KCNH5: variants seen among roughly 807,000 people sequenced by gnomAD.
KCNH5 encodes the protein potassium voltage-gated channel subfamily H member 5, also known as voltage-gated delayed rectifier potassium channel KCNH5.
Under a neutral mutation model 96.1 loss-of-function variants are expected in KCNH5, and 46 were observed. The ratio of observed to expected loss-of-function variants is 0.48; its 90% CI spans 0.38 to 0.61. The LOEUF (loss-of-function observed/expected upper bound fraction) is 0.61. Among genes scored for constraint, KCNH5 ranks in the 20% least tolerant of loss-of-function variants. The pLI is 0.00. For missense variants in KCNH5, 907 were observed against 1,225.8 expected (o/e 0.74, Z 3.88); for synonymous variants, 439 against 449.8 (o/e 0.98, Z 0.30).
chr14:63,002,921 G>A (rs957381703), intron 3 of KCNH5, among the ~76,000 whole-genome samples: 1 of 152,024 alleles, frequency 6.6e-6, no homozygotes, highest in Non-Finnish European at 1.5e-5. Flanking sequence ...TTTACACAGC[G>A]TGACCAGGAA....
At chr14:62,851,452 T>C (rs1887802520) in intron 7 of KCNH5, among the ~76,000 whole-genome samples, 1 of 150,734 alleles carries the variant, frequency 6.6e-6, no homozygotes, top group Non-Finnish European at 1.5e-5. Context: ...AGATCTTGAT[T>C]CTATAAAGAA....
At chr14:63,018,207 C>T (rs1219174156) in intron 1 of KCNH5, among the ~76,000 whole-genome samples, 1 of 151,806 alleles carries the variant, frequency 6.6e-6, no homozygotes, top group East Asian at 1.9e-4. Flanking sequence ...ATTTAACTGT[C>T]TATTCCGCTG....
intron 6 of KCNH5, among the ~76,000 whole-genome samples, chr14:62,963,117 T>C (rs1173477220): frequency 6.6e-6 from 1 of 152,068 alleles, no homozygotes; most frequent in Non-Finnish European, 1.5e-5. Context: ...AAAGGGTGAG[T>C]ATAGTAACAA....
chr14:62,921,819 T>C (rs1889386058), intron 7 of KCNH5, among the ~76,000 whole-genome samples: 1 of 152,132 alleles, frequency 6.6e-6, no homozygotes, highest in African/African-American at 2.4e-5. Context: ...TCTTTTTATC[T>C]AACAGCCTTG....
In KCNH5 at chr14:62,700,307, CT is replaced by C. The variant is rs1423509042; in HGVS notation, c.*7200del. The C allele has an allele frequency of 2.0e-5, 3 of 152,282 alleles. No individual in the cohort carries two copies. The highest frequency in any genetic ancestry group is 7.2e-5 in the African/African-American group (3 of 41,566). 9.4% of individuals were successfully genotyped at this position (152,282 alleles called of 1,614,324 possible). A position where few individuals can be genotyped will look rare whatever the true frequency, so the allele number is the denominator to read the frequency against. ...AAAAATGGTTCTAAACTGGTTTCCACTTTTCATAACAATCACTTAAGAAATC... is the reference window on the plus strand; with the variant it reads ...AAAAATGGTTCTAAACTGGTTTCCACTTTCATAACAATCACTTAAGAAATC... On this transcript the variant is annotated 3_prime_UTR_variant, in exon 11 of 11. Coordinates refer to ENST00000322893, the MANE Select transcript of KCNH5 (RefSeq NM_139318.5).
rs757955792 is a variant in KCNH5 at position 62,987,195 on chromosome 14, A to G, written c.434-8T>C. On this transcript the variant is annotated splice_region_variant and splice_polypyrimidine_tract_variant and intron_variant, in intron 4 of 10. Coordinates refer to ENST00000322893, the MANE Select transcript of KCNH5 (RefSeq NM_139318.5). ...GGGCAAATTTCGTCCAACCTTAAAA[A>G]TAAGGAAAGAAAGTCTCAGTTTTTC... is the stretch of plus-strand genomic sequence containing the variant. 8 of 1,594,180 alleles carry G rather than the reference A, an allele frequency of 5.0e-6. No individual in the cohort carries two copies. In the Admixed American group the frequency reaches 8.4e-5, roughly 17 times the overall value.
At chr14:62,828,874 A>C (rs907023942) in intron 8 of KCNH5, among the ~76,000 whole-genome samples, 1 of 152,170 alleles carries the variant, frequency 6.6e-6, no homozygotes, top group Non-Finnish European at 1.5e-5. Flanking sequence ...CTCATCTTAG[A>C]CAAGGCAAGT....
At chr14:62,884,251 T>C (rs971694649) in intron 7 of KCNH5, among the ~76,000 whole-genome samples, 1 of 152,216 alleles carries the variant, frequency 6.6e-6, no homozygotes, top group African/African-American at 2.4e-5. Flanking sequence ...ATATTTGAAA[T>C]TGGATTTCTC....
rs778306495 is a variant in KCNH5, at chr14:62,707,682, T to C, written c.2793A>G (p.Leu931=). The change falls in exon 11 of 11, where the codon CTA becomes CTG. Residue 931 remains leucine, a synonymous_variant. Coordinates refer to ENST00000322893, the MANE Select transcript of KCNH5 (RefSeq NM_139318.5). ...TTAAAATTTCTGCCACCTGCTTTTC[T>C]AGGGCAGTCATTCTGCAGCTGAGCA... The part of the protein sequence containing the change: ...IQLLSCRMTA[L]EKQVAEILKI... 4 of 1,594,906 alleles carry C rather than the reference T, an allele frequency of 2.5e-6. No homozygotes were observed. Among genetic ancestry groups the C allele is most frequent in the East Asian group, 4.5e-5 (2 of 44,316 alleles).
chr14:62,707,572 T>C lies in KCNH5; in HGVS notation c.2903A>G (p.Gln968Arg), dbSNP rs1299494072. 1 of 1,511,918 alleles carries C rather than the reference T, an allele frequency of 6.6e-7. No homozygotes were observed. 93.7% of individuals were successfully genotyped at this position (1,511,918 alleles called of 1,614,324 possible). Residue 968 changes from glutamine (Q) to arginine (R), a missense_variant, in exon 11 of 11, where the codon CAG becomes CGG. Around this residue, in one of 6 missense-constraint regions of KCNH5, gnomAD observed 362 missense variants for 394.4 expected, o/e 0.92. Transcript: ENST00000322893. ...AGGCCTTGAGACACTAAAAATATCC[T>C]GACATGGTATCTGGGGGGGTACTTG... is the stretch of plus-strand genomic sequence containing the variant. The part of the protein sequence containing the change: ...PLQVPPQIPC[Q>R]DIFSVSRPES...
At chr14:62,925,365 C>T (rs1458964665) in intron 7 of KCNH5, among the ~76,000 whole-genome samples, 1 of 151,944 alleles carries the variant, frequency 6.6e-6, no homozygotes, top group Non-Finnish European at 1.5e-5. Flanking sequence ...TATGGTCTTT[C>T]TTTTGTGTAA....
chr14:62,983,480 T>C (rs1890649537), intron 5 of KCNH5, among the ~76,000 whole-genome samples: 1 of 152,174 alleles, frequency 6.6e-6, no homozygotes, highest in Admixed American at 6.5e-5. Context: ...CATTCAGTTT[T>C]TGTTTTTACC....
At chr14:62,845,777 T>C (rs533159139) in intron 8 of KCNH5, among the ~76,000 whole-genome samples, 3 of 152,314 alleles carry the variant, frequency 2.0e-5, no homozygotes, top group Admixed American at 1.3e-4. Flanking sequence ...TAGGAGATGA[T>C]TGGAAGTTTG....
chr14:62,771,906 C>T (rs771929689), intron 10 of KCNH5, among the ~76,000 whole-genome samples: 8 of 152,148 alleles, frequency 5.3e-5, no homozygotes, highest in Non-Finnish European at 8.8e-5. Context: ...TCTGGAACCA[C>T]AAGAGGGTTT....
chr14:62,890,418 G>A (rs1247741954), intron 7 of KCNH5, among the ~76,000 whole-genome samples: 5 of 151,744 alleles, frequency 3.3e-5, no homozygotes, highest in Non-Finnish European at 2.9e-5. Context: ...GCAAAGGGCC[G>A]GGCGCGGTGG....
intron 7 of KCNH5, among the ~76,000 whole-genome samples, chr14:62,934,159 T>C (rs1341082049): frequency 1.4e-5 from 2 of 147,288 alleles, no homozygotes; most frequent in Non-Finnish European, 3.0e-5. Context: ...TGAGATAGAG[T>C]CTCACTCTGT....
intron 10 of KCNH5, among the ~76,000 whole-genome samples, chr14:62,709,011 C>T (rs555759764): frequency 1.1e-4 from 17 of 151,450 alleles, no homozygotes; most frequent in African/African-American, 2.7e-4. Context: ...TTTGGGAGGC[C>T]GAGGCGGGCG....
chr14:62,890,533 A>G (rs1158786958), intron 7 of KCNH5, among the ~76,000 whole-genome samples: 1 of 111,586 alleles, frequency 9.0e-6, no homozygotes, highest in South Asian at 4.4e-4. Context: ...GTCTCTACTA[A>G]AAATACAAAA....
intron 6 of KCNH5, among the ~76,000 whole-genome samples, chr14:62,953,347 G>T (rs1213766069): frequency 6.6e-6 from 1 of 151,988 alleles, no homozygotes; most frequent in East Asian, 1.9e-4. Context: ...TCTCATGATT[G>T]CCCTCAGTCC....
Sources: allele counts gnomAD v4.1 joint callset (sites outside exome capture counted in the v4.1 genomes callset), GRCh38; gene constraint gnomAD v4.1.1; regional missense constraint gnomAD v4.1.1; transcripts MANE v1.5; gene names NCBI Gene and HGNC (gene_info 2026-07-23, HGNC 2026-07-21).